The following LGR5 variants were observed in gnomAD, a reference collection of about 807,000 sequenced individuals.
The protein encoded by LGR5 is leucine rich repeat containing G protein-coupled receptor 5, also known as leucine-rich repeat-containing G protein-coupled receptor 5.
Under a neutral mutation model 76.7 loss-of-function variants are expected in LGR5, and 54 were observed. The ratio of observed to expected loss-of-function variants is 0.70; its 90% CI spans 0.57 to 0.88. The LOEUF is 0.88. Ranked by LOEUF, LGR5 falls within the 40% of genes least tolerant of loss-of-function variation. The probability of loss-of-function intolerance (pLI) is 0.00; values close to 1 mark genes in which losing one functional copy is unlikely to be tolerated. For synonymous variants in LGR5, 406 were observed against 421.9 expected, an observed-to-expected ratio of 0.96 and a Z score of 0.46; for missense variants, 1,078 against 1,073.3, an observed-to-expected ratio of 1.00 and a Z score of -0.06.
At chr12:71,499,951 G>T (rs1017538912) in intron 1 of LGR5, among the ~76,000 whole-genome samples, 6 of 152,022 alleles carry the variant, frequency 3.9e-5, no homozygotes, top group African/African-American at 7.3e-5. Flanking sequence ...ACAGTTTTCA[G>T]CAGTACAAGG....
At chr12:71,551,972 C>T (rs1194861598) in intron 4 of LGR5, among the ~76,000 whole-genome samples, 1 of 152,102 alleles carries the variant, frequency 6.6e-6, no homozygotes, top group African/African-American at 2.4e-5. Flanking sequence ...AAGGATAGGG[C>T]CCCTTCTCTG....
chr12:71,482,443 A>T (rs1873649879), intron 1 of LGR5, among the ~76,000 whole-genome samples: 1 of 151,958 alleles, frequency 6.6e-6, no homozygotes, highest in Non-Finnish European at 1.5e-5. Context: ...CCACCTGTCT[A>T]TGTCCAAATT....
At chr12:71,465,832 G>A (rs1314105918) in intron 1 of LGR5, among the ~76,000 whole-genome samples, 3 of 152,090 alleles carry the variant, frequency 2.0e-5, no homozygotes, top group Non-Finnish European at 4.4e-5. Context: ...ATTATCAAAT[G>A]GCCACTTCCT....
Position 71,559,641 on chromosome 12 carries a change from A to C in LGR5, c.772A>C (p.Asn258His). The C allele has an allele frequency of 6.5e-7, 1 of 1,532,670 alleles. No homozygotes were observed. Among genetic ancestry groups the C allele is most frequent in the Non-Finnish European group, 9.0e-7 (1 of 1,107,122 alleles). 94.9% of individuals were successfully genotyped at this position (1,532,670 alleles called of 1,614,324 possible). Residue 258 changes from asparagine (N) to histidine (H), a missense_variant, in exon 7 of 18, where the codon AAC becomes CAC. Transcript: ENST00000266674. ...CCCCACTGCAATTAGGACACTCTCC[A>C]ACCTTAAAGAACTGTAAGTATTTAG... ...EFPTAIRTLSNLKELGFHSNN... is the reference protein window; with the variant it reads ...EFPTAIRTLSHLKELGFHSNN...
At chr12:71,583,606 C>T in intron 17 of LGR5, 41 bp from the exon 18 acceptor site, 1 of 1,563,868 alleles carries the variant, frequency 6.4e-7, no homozygotes, top group Non-Finnish European at 8.7e-7. Context: ...AGTTGTAAAC[C>T]CTAATTTGAT....
chr12:71,529,440 C>T (rs776542209), intron 3 of LGR5, among the ~76,000 whole-genome samples: 10 of 152,112 alleles, frequency 6.6e-5, no homozygotes, highest in East Asian at 1.9e-4. Flanking sequence ...TGGCAGAAAG[C>T]GCCCCCATGA....
intron 2 of LGR5, 116 bp from the exon 3 acceptor site, chr12:71,524,290 C>A: frequency 1.5e-6 from 1 of 676,722 alleles, no homozygotes; most frequent in Non-Finnish European, 2.4e-6. Flanking sequence ...AAGTTGTTTA[C>A]AGTTGCTTTT....
At position 71,584,470 on chromosome 12, in the gene LGR5, C is replaced by T. The variant is rs1201159923; in HGVS notation, c.2460C>T (p.Tyr820=). The change falls in exon 18 of 18, where the codon TAC becomes TAT. Residue 820 remains tyrosine, a synonymous_variant. Coordinates refer to ENST00000266674, the MANE Select transcript of LGR5 (RefSeq NM_003667.4). ...PLPACLNPLL[Y]ILFNPHFKED... ...CTGCATGTCTCAATCCCCTTCTCTACATCTTGTTCAATCCTCACTTTAAGG... is the reference window on the plus strand; with the variant it reads ...CTGCATGTCTCAATCCCCTTCTCTATATCTTGTTCAATCCTCACTTTAAGG... 1.2e-6 allele frequency: 2 copies of T among 1,614,054 alleles called. No individual in the cohort carries two copies. The highest frequency in any genetic ancestry group is 8.5e-7 in the Non-Finnish European group (1 of 1,180,030).
intron 1 of LGR5, among the ~76,000 whole-genome samples, chr12:71,501,299 T>A (rs1175682886): frequency 6.6e-6 from 1 of 152,058 alleles, no homozygotes; most frequent in Non-Finnish European, 1.5e-5. Flanking sequence ...TACACAAAAA[T>A]AAAGAAAGCA....
At chr12:71,505,719 A>T (rs940423238) in intron 2 of LGR5, among the ~76,000 whole-genome samples, 28 of 152,114 alleles carry the variant, frequency 1.8e-4, no homozygotes, top group Admixed American at 1.2e-3. Context: ...TTTTATCTAT[A>T]TTTATTTTTG....
chr12:71,440,091 C>T lies in LGR5; in HGVS notation c.11C>T (p.Ser4Phe). Residue 4 changes from serine to phenylalanine, a missense_variant, in exon 1 of 18, where the codon TCC becomes TTC. Coordinates refer to ENST00000266674, the MANE Select transcript of LGR5 (RefSeq NM_003667.4). The surrounding 1 kb of genome is among the most constrained non-coding windows in gnomAD (Gnocchi z 5.3). MDT[S>F]RLGVLLSLPV... is the part of the protein sequence containing the mutation. The stretch of plus-strand genomic sequence containing the variant: ...CCTACTTCGGGCACCATGGACACCT[C>T]CCGGCTCGGTGTGCTCCTGTCCTTG... The T allele has an allele frequency of 6.2e-7, 1 of 1,603,308 alleles. No homozygotes were observed. Among genetic ancestry groups the T allele is most frequent in the Non-Finnish European group, 8.5e-7 (1 of 1,179,874 alleles).
chr12:71,481,700 G>A (rs1873612474), intron 1 of LGR5, among the ~76,000 whole-genome samples: 2 of 152,170 alleles, frequency 1.3e-5, no homozygotes, highest in Admixed American at 6.5e-5. Context: ...GATGTTAACT[G>A]CAAGATATTT....
chr12:71,507,891 T>G (rs895932563), intron 2 of LGR5, among the ~76,000 whole-genome samples: 1 of 152,018 alleles, frequency 6.6e-6, no homozygotes, highest in African/African-American at 2.4e-5. Flanking sequence ...CTATCAATAA[T>G]ATTAAGAAAC....
chr12:71,542,820 A>T (rs1054306545), intron 4 of LGR5, among the ~76,000 whole-genome samples: 1 of 152,142 alleles, frequency 6.6e-6, no homozygotes, highest in South Asian at 2.1e-4. Flanking sequence ...TTGAGGAGGA[A>T]CAACTAAGTA....
At chr12:71,519,185 C>T (rs1459254360) in intron 2 of LGR5, among the ~76,000 whole-genome samples, 1 of 152,090 alleles carries the variant, frequency 6.6e-6, no homozygotes, top group East Asian at 1.9e-4. Flanking sequence ...TGGACCACAC[C>T]AGGCACTCTC....
chr12:71,536,103 C>A (rs1876570835), intron 4 of LGR5, among the ~76,000 whole-genome samples: 1 of 152,060 alleles, frequency 6.6e-6, no homozygotes. Flanking sequence ...ATTTTACTTA[C>A]AATGGAGATG....
At chr12:71,519,186 A>G (rs7301671) in intron 2 of LGR5, among the ~76,000 whole-genome samples, 7,194 of 152,028 alleles carry the variant, frequency 0.047, 184 homozygotes, top group East Asian at 0.085. Context: ...GGACCACACC[A>G]GGCACTCTCT....
At chr12:71,528,128 T>G (rs1876111048) in intron 3 of LGR5, among the ~76,000 whole-genome samples, 1 of 152,322 alleles carries the variant, frequency 6.6e-6, no homozygotes, top group Middle Eastern at 3.4e-3. Flanking sequence ...CTATTCCTGA[T>G]ATTTTAAGAT....
At chr12:71,484,176 T>C (rs1873730113) in intron 1 of LGR5, among the ~76,000 whole-genome samples, 1 of 152,118 alleles carries the variant, frequency 6.6e-6, no homozygotes, top group African/African-American at 2.4e-5. Flanking sequence ...TAAGATTTCC[T>C]AAGAAAAACA....
Sources: gnomAD v4.1 joint callset for allele counts (sites outside exome capture counted in the v4.1 genomes callset) on GRCh38, gnomAD v4.1.1 for gene constraint, Gnocchi (gnomAD v3.1) non-coding constraint, MANE v1.5 for transcripts, NCBI Gene and HGNC (gene_info 2026-07-23, HGNC 2026-07-21) for gene names.